TRIM66: variants seen among roughly 807,000 people sequenced by gnomAD.
TRIM66 encodes tripartite motif-containing protein 66.
A neutral mutation model predicts 148.2 loss-of-function variants in TRIM66; 99 were observed. The ratio of observed to expected loss-of-function variants is 0.67; its 90% CI spans 0.57 to 0.79. TRIM66 has a LOEUF of 0.79. Among genes scored for constraint, TRIM66 ranks in the 30% least tolerant of loss-of-function variants. The probability of loss-of-function intolerance (pLI) is 0.00; values close to 1 mark genes in which losing one functional copy is unlikely to be tolerated. For missense variants in TRIM66, 1,666 were observed against 1,697.9 expected (o/e 0.98, Z 0.33); for synonymous variants, 616 against 635.9 (o/e 0.97, Z 0.47).
intron 18 of TRIM66, 72 bp from the exon 19 acceptor site, chr11:8,621,891 C>A: frequency 4.3e-6 from 6 of 1,379,850 alleles, no homozygotes; most frequent in Non-Finnish European, 5.8e-6. Context: ...TCAGAAACAT[C>A]CATGATCCCT....
At position 8,640,221 on chromosome 11, in the gene TRIM66, G is replaced by A. The variant is rs1296212573; in HGVS notation, c.2148+6C>T. The A allele has an allele frequency of 7.7e-6, 12 of 1,549,718 alleles. 1 individual carries two copies. The highest frequency in any genetic ancestry group is 7.3e-5 in the East Asian group (3 of 40,854). ...AATATGCACGCCAAGCCACCCTGAC[G>A]CTTACCTGCAGGGTCTCCTCCTGGC... is the stretch of plus-strand genomic sequence containing the variant. On this transcript the variant is annotated splice_donor_region_variant and intron_variant, in intron 14 of 24. Coordinates refer to ENST00000646038, the MANE Select transcript of TRIM66 (RefSeq NM_001388022.1).
chr11:8,651,696 T>C, intron 7 of TRIM66, 104 bp downstream of exon 7: 2 of 940,530 alleles, frequency 2.1e-6, no homozygotes, highest in Admixed American at 4.0e-5. Flanking sequence ...GATGGAGAAG[T>C]AACAAATCAG....
intron 7 of TRIM66, among the ~76,000 whole-genome samples, chr11:8,650,142 G>A (rs897047676): frequency 6.6e-6 from 1 of 152,132 alleles, no homozygotes; most frequent in Non-Finnish European, 1.5e-5. Context: ...GGAGGCCAAG[G>A]CAGGAGGAGT....
At chr11:8,620,997 T>G in intron 20 of TRIM66, 35 bp downstream of exon 20, 2 of 1,539,224 alleles carry the variant, frequency 1.3e-6, no homozygotes, top group Non-Finnish European at 1.8e-6. Flanking sequence ...GTAACCCTAC[T>G]AGCCAGGTGA....
chr11:8,649,237 G>T (rs568944088), intron 8 of TRIM66, among the ~76,000 whole-genome samples: 1 of 152,302 alleles, frequency 6.6e-6, no homozygotes, highest in East Asian at 1.9e-4. Flanking sequence ...TACTTGGGAG[G>T]CTGAAGCAGG....
At chr11:8,634,051 G>T (rs1056556557) in intron 15 of TRIM66, among the ~76,000 whole-genome samples, 2 of 152,166 alleles carry the variant, frequency 1.3e-5, no homozygotes, top group African/African-American at 4.8e-5. Flanking sequence ...TGGTGGCCTC[G>T]AAGTCCTCTC....
intron 6 of TRIM66, among the ~76,000 whole-genome samples, chr11:8,665,501 A>G (rs183545271): frequency 8.1e-4 from 123 of 152,352 alleles, no homozygotes; most frequent in African/African-American, 2.8e-3. Flanking sequence ...GTCATTCATT[A>G]GACTATGAGC....
rs1042516207 is a variant in TRIM66 at position 8,649,775 on chromosome 11, C to T, written c.557G>A (p.Gly186Asp). The change falls in exon 8 of 25, where the codon GGC becomes GAC. Residue 186 changes from glycine (G) to aspartate (D), a missense_variant. Gly to Asp is a moderately conservative substitution (Grantham distance 94). Coordinates refer to ENST00000646038, the MANE Select transcript of TRIM66 (RefSeq NM_001388022.1). Reference sequence around the variant, plus strand: ...CTTCTGGGCCCGAGGAAAGAATGGGCCCCCGGGGACAGGGCTGTGTCGGTG... The same window carrying T: ...CTTCTGGGCCCGAGGAAAGAATGGGTCCCCGGGGACAGGGCTGTGTCGGTG... ...EEHRHSPVPG[G>D]PFFPRAQKGS... 1 of 1,550,914 alleles carries T rather than the reference C, an allele frequency of 6.4e-7. No homozygotes were observed. The highest frequency in any genetic ancestry group is 1.4e-5 in the African/African-American group (1 of 72,602).
At chr11:8,664,878 G>A (rs774162759) in intron 6 of TRIM66, among the ~76,000 whole-genome samples, 29 of 152,214 alleles carry the variant, frequency 1.9e-4, no homozygotes, top group South Asian at 1.9e-3. Flanking sequence ...CTCTGTTGAA[G>A]AATTAGAGTT....
intron 6 of TRIM66, among the ~76,000 whole-genome samples, chr11:8,652,672 C>G (rs888482792): frequency 5.9e-5 from 9 of 152,108 alleles, no homozygotes; most frequent in Non-Finnish European, 1.3e-4. Flanking sequence ...ATTCTGCCGG[C>G]CCACCGCAAG....
intron 13 of TRIM66, 52 bp from the exon 14 acceptor site, chr11:8,641,204 C>T (rs1417887083): frequency 2.0e-6 from 3 of 1,465,304 alleles, no homozygotes; most frequent in Non-Finnish European, 2.8e-6. Context: ...TTGCTCCCAC[C>T]TTGCTACTTC....
rs1000677924 is a variant in TRIM66 at position 8,625,068 on chromosome 11, T to C, written c.2471A>G (p.Lys824Arg). The change falls in exon 16 of 25, where the codon AAA (lysine) becomes AGA (arginine). Residue 824 changes from lysine to arginine, a missense_variant. Around this residue, in one of 3 missense-constraint regions of TRIM66, gnomAD observed 1,431 missense variants for 1,412.4 expected, o/e 1.01. Transcript: ENST00000646038. ...AACACTTGTCAGGCTGGACACCATT[T>C]TGGGGGGAGCACTCAGCAGGCTTGG... The part of the protein sequence containing the change: ...AVPSLLSAPP[K>R]MVSSLTSVQN... 5.2e-6 allele frequency: 8 copies of C among 1,551,718 alleles called. No individual in the cohort carries two copies. Among genetic ancestry groups the C allele is most frequent in the East Asian group, 4.9e-5 (2 of 40,910 alleles).
intron 15 of TRIM66, among the ~76,000 whole-genome samples, chr11:8,633,207 A>T (rs1264285899): frequency 6.6e-6 from 1 of 152,166 alleles, no homozygotes; most frequent in African/African-American, 2.4e-5. Context: ...CTGTAATCCC[A>T]GCTACTCAGG....
intron 15 of TRIM66, among the ~76,000 whole-genome samples, chr11:8,630,940 A>G (rs1353726788): frequency 2.0e-5 from 3 of 151,820 alleles, no homozygotes; most frequent in Admixed American, 1.3e-4. Context: ...ATTCTGCTTG[A>G]CCTGTGCTCT....
rs115716718 is a variant in TRIM66, at chr11:8,624,530, G to C, written c.2848C>G (p.Arg950Gly). The C allele has an allele frequency of 7.8e-4, 1,188 of 1,530,536 alleles. 14 individuals are homozygous for C. In the African/African-American group the frequency reaches 0.014, roughly 19 times the overall value. 94.8% of individuals were successfully genotyped at this position (1,530,536 alleles called of 1,614,324 possible). A position where few individuals can be genotyped will look rare whatever the true frequency, so the allele number is the denominator to read the frequency against. ...CCTTGTCCCAGTAAGTCAGTGAAGC[G>C]AGTGGAATCCTCACTTTCCATCTTT... ...LCKMESEDST[R>G]FTDLLGQGPI... is the part of the protein sequence containing the mutation. The change falls in exon 17 of 25, where the codon CGC becomes GGC. Residue 950 changes from arginine to glycine, a missense_variant. Coordinates refer to ENST00000646038, the MANE Select transcript of TRIM66 (RefSeq NM_001388022.1).
chr11:8,669,071 G>T (rs187291530), intron 6 of TRIM66, among the ~76,000 whole-genome samples: 104 of 152,264 alleles, frequency 6.8e-4, no homozygotes, highest in South Asian at 6.2e-4. Context: ...AAGAATTGTG[G>T]CCATCTTTAA....
At chr11:8,658,682 C>T (rs2038040274) in intron 6 of TRIM66, 3 of 780,038 alleles carry the variant, frequency 3.8e-6, no homozygotes, top group Non-Finnish European at 4.7e-6. Context: ...CAAGTTGACA[C>T]ACTCTGTCAG....
intron 6 of TRIM66, among the ~76,000 whole-genome samples, chr11:8,665,155 A>G (rs2038509623): frequency 6.6e-6 from 1 of 152,146 alleles, no homozygotes; most frequent in Middle Eastern, 3.2e-3. Context: ...ATTCACAGAA[A>G]GAGGATAAAC....
In TRIM66 at chr11:8,625,238, C is replaced by A. The variant is rs1326272912; in HGVS notation, c.2311-10G>T. ...TCAGCGAGGTGGAGTGCTGCAGGAA[C>A]AGAGACAAGGGGTAGAGTCAGGCTG... On this transcript the variant is annotated splice_polypyrimidine_tract_variant and intron_variant, in intron 15 of 24. Transcript: ENST00000646038. 1 of 1,488,706 alleles carries A rather than the reference C, an allele frequency of 6.7e-7. No individual in the cohort carries two copies. Among genetic ancestry groups the A allele is most frequent in the Admixed American group, 2.2e-5 (1 of 46,168 alleles). The allele number at this position is 1,488,706 out of a possible 1,614,324, so 92.2% of individuals were successfully genotyped here. A position where few individuals can be genotyped will look rare whatever the true frequency, so the allele number is the denominator to read the frequency against.
Sources: allele counts gnomAD v4.1 joint callset (sites outside exome capture counted in the v4.1 genomes callset), GRCh38; gene constraint gnomAD v4.1.1; regional missense constraint gnomAD v4.1.1; transcripts MANE v1.5; gene names NCBI Gene and HGNC (gene_info 2026-07-23, HGNC 2026-07-21).